RUNX2: variants seen among roughly 807,000 people sequenced by gnomAD.
RUNX2 encodes the protein runt-related transcription factor 2.
RUNX2 carries 10 observed loss-of-function variants against 51.7 expected under a neutral mutation model. The observed-to-expected ratio is 0.19, with a 90% CI of 0.12 to 0.33. The LOEUF is 0.33. Ranked by LOEUF, RUNX2 falls within the 10% of genes least tolerant of loss-of-function variation. The pLI is 1.00. For synonymous variants in RUNX2, 276 were observed against 273.6 expected (o/e 1.01, Z -0.09); for missense variants, 562 against 691.3 (o/e 0.81, Z 2.10).
At chr6:45,384,752 C>T (rs1258294420) in intron 2 of RUNX2, among the ~76,000 whole-genome samples, 2 of 111,874 alleles carry the variant, frequency 1.8e-5, no homozygotes, top group African/African-American at 3.5e-5. Flanking sequence ...GGGTCTCACT[C>T]TATCTCCCAG....
intron 2 of RUNX2, among the ~76,000 whole-genome samples, chr6:45,367,671 A>C (rs1795376295): frequency 6.6e-6 from 1 of 152,188 alleles, no homozygotes. Flanking sequence ...CAGCCTCCAG[A>C]AAGTTATGAT....
At chr6:45,448,421 G>A (rs1397415099) in intron 5 of RUNX2, among the ~76,000 whole-genome samples, 1 of 152,174 alleles carries the variant, frequency 6.6e-6, no homozygotes, top group Non-Finnish European at 1.5e-5. Context: ...CTTTTGTAGG[G>A]TAAACGAATC....
chr6:45,399,209 A>G (rs17288355), intron 2 of RUNX2, among the ~76,000 whole-genome samples: 11,232 of 151,968 alleles, frequency 0.074, 571 homozygotes, highest in South Asian at 0.18. Flanking sequence ...TAGTGTCAAG[A>G]TGGAAGCAGA....
At chr6:45,370,828 T>A (rs567544999) in intron 2 of RUNX2, among the ~76,000 whole-genome samples, 1 of 151,290 alleles carries the variant, frequency 6.6e-6, no homozygotes, top group Non-Finnish European at 1.5e-5. Context: ...GACACAGGAG[T>A]TTCTAGCATA....
intron 5 of RUNX2, among the ~76,000 whole-genome samples, chr6:45,483,406 A>C (rs1800170672): frequency 6.6e-6 from 1 of 152,014 alleles, no homozygotes; most frequent in Admixed American, 6.5e-5. Context: ...GATAATTTTA[A>C]ATTTATCCAT....
At chr6:45,536,586 C>T (rs1314646952) in intron 7 of RUNX2, among the ~76,000 whole-genome samples, 1 of 152,144 alleles carries the variant, frequency 6.6e-6, no homozygotes, top group Non-Finnish European at 1.5e-5. Flanking sequence ...AAAAATAGTG[C>T]CCCCAGCTTG....
intron 2 of RUNX2, among the ~76,000 whole-genome samples, chr6:45,365,616 T>C (rs1212072688): frequency 6.7e-6 from 1 of 149,404 alleles, no homozygotes; most frequent in Non-Finnish European, 1.5e-5. Context: ...GTTTTCAAAA[T>C]GTGCTTCAGG....
At chr6:45,466,982 C>G (rs1799651318) in intron 5 of RUNX2, among the ~76,000 whole-genome samples, 1 of 152,216 alleles carries the variant, frequency 6.6e-6, no homozygotes, top group Non-Finnish European at 1.5e-5. Flanking sequence ...CACCAAACTT[C>G]TGGAAAGAGT....
chr6:45,432,436 G>A (rs1029330733), intron 4 of RUNX2, among the ~76,000 whole-genome samples: 2 of 152,122 alleles, frequency 1.3e-5, no homozygotes, highest in African/African-American at 4.8e-5. Flanking sequence ...CTGGCATAAT[G>A]CTCTTCACTT....
chr6:45,330,496 A>G (rs192629755), intron 2 of RUNX2, among the ~76,000 whole-genome samples: 47 of 152,098 alleles, frequency 3.1e-4, no homozygotes, highest in African/African-American at 1.1e-3. Context: ...TATTTATTTT[A>G]AACACATTTT....
chr6:45,482,654 C>A (rs1800149151), intron 5 of RUNX2, among the ~76,000 whole-genome samples: 1 of 152,076 alleles, frequency 6.6e-6, no homozygotes, highest in Non-Finnish European at 1.5e-5. Context: ...TAAATGGGTG[C>A]CTTTTAGTAT....
intron 5 of RUNX2, among the ~76,000 whole-genome samples, chr6:45,445,294 G>C (rs1378555745): frequency 1.3e-5 from 2 of 152,158 alleles, no homozygotes; most frequent in Non-Finnish European, 2.9e-5. Context: ...AAAATGTTGG[G>C]ATTATAGGTG....
chr6:45,488,056 G>T (rs1278139977), intron 5 of RUNX2, among the ~76,000 whole-genome samples: 1 of 152,148 alleles, frequency 6.6e-6, no homozygotes, highest in Non-Finnish European at 1.5e-5. Flanking sequence ...AATATGGAAA[G>T]CTCTTGAGAT....
intron 5 of RUNX2, among the ~76,000 whole-genome samples, chr6:45,485,714 T>TATAC (rs1800263713): frequency 7.2e-6 from 1 of 138,148 alleles, no homozygotes; most frequent in African/African-American, 2.6e-5. Flanking sequence ...TATATATATA[T>TATAC]ATACACATAT....
At position 45,512,291 on chromosome 6, in the gene RUNX2, C is replaced by T. The variant is rs1312487890; in HGVS notation, c.905C>T (p.Ser302Phe). Residue 302 changes from serine (S) to phenylalanine (F), a missense_variant, in exon 7 of 9, where the codon TCT (serine) becomes TTT (phenylalanine). Physicochemically the swap from Ser to Phe is radical, Grantham distance 155. Around this residue, in one of 5 missense-constraint regions of RUNX2, gnomAD observed 304 missense variants for 353.2 expected, o/e 0.86. Transcript: ENST00000647337. ...TCCCCGCCGTGGTCCTATGACCAGT[C>T]TTACCCCTCCTACCTGAGCCAGATG... is the stretch of plus-strand genomic sequence containing the variant. ...QSSPPWSYDQSYPSYLSQMTS... is the reference protein window; with the variant it reads ...QSSPPWSYDQFYPSYLSQMTS... 3 of 1,614,166 alleles carry T rather than the reference C, an allele frequency of 1.9e-6. No individual in the cohort carries two copies. Among genetic ancestry groups the T allele is most frequent in the Non-Finnish European group, 2.5e-6 (3 of 1,180,026 alleles).
intron 2 of RUNX2, among the ~76,000 whole-genome samples, chr6:45,369,928 T>G (rs1316730755): frequency 2.6e-5 from 4 of 152,038 alleles, no homozygotes; most frequent in Admixed American, 2.6e-4. Flanking sequence ...AGTACCAAAA[T>G]CCTGTGGCCA....
chr6:45,534,395 C>T (rs768412530), intron 7 of RUNX2, among the ~76,000 whole-genome samples: 10 of 152,256 alleles, frequency 6.6e-5, no homozygotes, highest in Non-Finnish European at 1.3e-4. Flanking sequence ...CTCTCAGGCT[C>T]TTTGTGAAGG....
At chr6:45,481,720 T>G (rs1800121113) in intron 5 of RUNX2, among the ~76,000 whole-genome samples, 1 of 152,336 alleles carries the variant, frequency 6.6e-6, no homozygotes, top group Middle Eastern at 3.4e-3. Flanking sequence ...CTGGTCTCTT[T>G]GCTCCACGTT....
intron 2 of RUNX2, among the ~76,000 whole-genome samples, chr6:45,387,971 C>T (rs559740412): frequency 2.0e-5 from 3 of 152,160 alleles, no homozygotes; most frequent in African/African-American, 7.2e-5. Flanking sequence ...AGAAATTGGC[C>T]TGTGAAAGAG....
Sources: allele counts gnomAD v4.1 joint callset (sites outside exome capture counted in the v4.1 genomes callset), GRCh38; gene constraint gnomAD v4.1.1; regional missense constraint gnomAD v4.1.1; transcripts MANE v1.5; gene names NCBI Gene and HGNC (gene_info 2026-07-23, HGNC 2026-07-21).